The following CEBPZOS variants were observed in gnomAD, a reference collection of about 807,000 sequenced individuals.
CEBPZOS encodes the protein CEBPZ opposite strand.
In CEBPZOS, 10 loss-of-function variants were observed where a neutral mutation model predicts 4.8. The ratio of observed to expected loss-of-function variants is 2.07; its 90% confidence interval spans 1.28 to 3.52. CEBPZOS has a LOEUF of 3.52. Ranked by LOEUF, CEBPZOS falls within the 30% of genes most tolerant of loss-of-function variation. The pLI, the probability that CEBPZOS is intolerant of heterozygous loss-of-function variation, is 0.00. For missense variants in CEBPZOS, 98 were observed against 43.6 expected (o/e 2.25, Z -3.51); for synonymous variants, 25 against 14.2 (o/e 1.77, Z -1.72).
downstream of CEBPZOS, chr2:37,215,032 C>A: frequency 4.6e-6 from 4 of 877,208 alleles, no homozygotes; most frequent in Admixed American, 2.1e-5. Flanking sequence ...CAAAATACAG[C>A]ATAATCTGTA....
intron 1 of CEBPZOS, among the ~76,000 whole-genome samples, chr2:37,196,830 G>A (rs1260749834): frequency 6.6e-6 from 1 of 152,204 alleles, no homozygotes; most frequent in Non-Finnish European, 1.5e-5. Flanking sequence ...AGCGGGAGCT[G>A]GGTGGGACCG....
At chr2:37,207,462 C>A (rs1233500383), downstream of CEBPZOS, among the ~76,000 whole-genome samples, 1 of 152,150 alleles carries the variant, frequency 6.6e-6, no homozygotes, top group East Asian at 1.9e-4. Context: ...CCCTCTCACA[C>A]CACAGTGGAA....
chr2:37,202,849 T>G lies in CEBPZOS; in HGVS notation c.*989T>G. On this transcript the variant is annotated 3_prime_UTR_variant, in exon 5 of 5. Transcript: ENST00000402297. ...ATCAAACTTGGATCCCATATTTTCA[T>G]CCAATAGATGGCCAAACTTTTAAAC... 6.2e-7 allele frequency: 1 copy of G among 1,602,458 alleles called. No homozygotes were observed. Among genetic ancestry groups the G allele is most frequent in the Non-Finnish European group, 8.5e-7 (1 of 1,174,786 alleles).
chr2:37,213,380 G>A (rs1160862650), intron 4 of CEBPZOS: 1 of 152,368 alleles, frequency 6.6e-6, no homozygotes, highest in Non-Finnish European at 1.5e-5. Flanking sequence ...TGCAAATGTG[G>A]GTGAATTACC....
chr2:37,209,047 C>CAAAA (rs57671740), downstream of CEBPZOS: 1 of 114,458 alleles, frequency 8.7e-6, no homozygotes, highest in Non-Finnish European at 1.9e-5. Context: ...CAACACCTGC[C>CAAAA]AAAAAAAAAA....
intron 3 of CEBPZOS, 38 bp from the exon 4 acceptor site, chr2:37,201,604 C>T (rs765892670): frequency 1.5e-5 from 10 of 676,310 alleles, no homozygotes; most frequent in Admixed American, 2.7e-5. Flanking sequence ...ACAATGCTTC[C>T]ACATGACTTT....
At chr2:37,211,648 A>G in intron 4 of CEBPZOS, 2 of 498,978 alleles carry the variant, frequency 4.0e-6, no homozygotes, top group Non-Finnish European at 3.5e-6. Context: ...AAGCTGCTTA[A>G]AAGAAAACAC....
At chr2:37,211,255 T>G in intron 4 of CEBPZOS, 1 of 441,638 alleles carries the variant, frequency 2.3e-6, no homozygotes, top group East Asian at 3.4e-5. Context: ...AAAAAGACTC[T>G]AAGAATTGGC....
chr2:37,214,028 G>T, downstream of CEBPZOS: 1 of 846,822 alleles, frequency 1.2e-6, no homozygotes, highest in Non-Finnish European at 1.7e-6. Flanking sequence ...TATCATCAAA[G>T]CACCTATGAC....
At chr2:37,213,028 C>A (rs1558471518) in intron 4 of CEBPZOS, among the ~76,000 whole-genome samples, 2 of 151,952 alleles carry the variant, frequency 1.3e-5, no homozygotes, top group African/African-American at 4.8e-5. Flanking sequence ...GCCTGGGAGA[C>A]AGAGAGAGCC....
downstream of CEBPZOS, among the ~76,000 whole-genome samples, chr2:37,215,951 T>TAA (rs201108820): frequency 0.014 from 1,542 of 111,482 alleles, 25 homozygotes; most frequent in African/African-American, 0.047. Flanking sequence ...GTAATAAAGT[T>TAA]AAAAAAAAAA....
chr2:37,201,982 A>G lies in CEBPZOS; in HGVS notation c.*122A>G. ...GTCCCACAGAACATGCTGCTGAGTC[A>G]CAGGAACTTCTAGCCTGCCTTGGCC... On this transcript the variant is annotated 3_prime_UTR_variant, in exon 5 of 5. Transcript: ENST00000402297. 1 of 1,395,040 alleles carries G rather than the reference A, an allele frequency of 7.2e-7. No homozygotes were observed. The highest frequency in any genetic ancestry group is 1.4e-5 in the South Asian group (1 of 73,564). The allele number at this position is 1,395,040 out of a possible 1,614,324, so 86.4% of individuals were successfully genotyped here. A position where few individuals can be genotyped will look rare whatever the true frequency, so the allele number is the denominator to read the frequency against.
At chr2:37,196,622 G>A (rs1245453374) in intron 1 of CEBPZOS, 102 bp downstream of exon 1, 1 of 152,362 alleles carries the variant, frequency 6.6e-6, no homozygotes, top group Non-Finnish European at 1.5e-5. Flanking sequence ...TCACAGTTCT[G>A]GGGGCATGTG....
chr2:37,206,068 T>C (rs1335640444), downstream of CEBPZOS, among the ~76,000 whole-genome samples: 1 of 152,162 alleles, frequency 6.6e-6, no homozygotes, highest in African/African-American at 2.4e-5. Context: ...AAGATCTGCA[T>C]TCAAATGTGA....
chr2:37,209,325 C>G (rs1677643670), downstream of CEBPZOS: 5 of 152,238 alleles, frequency 3.3e-5, no homozygotes, highest in South Asian at 1.0e-3. Context: ...AAATAAGAGC[C>G]TGCATAGCCA....
chr2:37,210,651 T>C (rs1677692028), intron 4 of CEBPZOS: 1 of 175,508 alleles, frequency 5.7e-6, no homozygotes, highest in South Asian at 1.4e-4. Context: ...GGGATAAGAG[T>C]ACACATTGGG....
chr2:37,214,872 A>G, downstream of CEBPZOS: 1 of 1,564,122 alleles, frequency 6.4e-7, no homozygotes, highest in Non-Finnish European at 8.8e-7. Context: ...ATGAAACTAT[A>G]TTATGTATAG....
At chr2:37,206,947 G>A (rs141636719), downstream of CEBPZOS, among the ~76,000 whole-genome samples, 2,715 of 152,204 alleles carry the variant, frequency 0.018, 82 homozygotes, top group African/African-American at 0.062. Context: ...TTAAGGTAAA[G>A]GGGTGGGAAA....
downstream of CEBPZOS, chr2:37,214,763 G>T: frequency 1.8e-6 from 1 of 547,156 alleles, no homozygotes; most frequent in Admixed American, 3.4e-5. Flanking sequence ...AATGTTCCAT[G>T]GTCTATTTAC....
Sources: allele counts gnomAD v4.1 joint callset (sites outside exome capture counted in the v4.1 genomes callset), GRCh38; gene constraint gnomAD v4.1.1; transcripts MANE v1.5; gene names NCBI Gene and HGNC (gene_info 2026-07-23, HGNC 2026-07-21).